The following ANGPT2 variants were observed in gnomAD, a reference collection of about 807,000 sequenced individuals.
ANGPT2 encodes angiopoietin-2.
ANGPT2 carries 28 observed loss-of-function variants against 62.9 expected under a neutral mutation model. The ratio of observed to expected loss-of-function variants is 0.44; its 90% CI spans 0.33 to 0.61. The LOEUF (loss-of-function observed/expected upper bound fraction) is 0.61, where lower values mean the gene tolerates loss of function less well. Among genes scored for constraint, ANGPT2 ranks in the 20% least tolerant of loss-of-function variants. The pLI is 0.03. For missense variants in ANGPT2, 727 were observed against 594.9 expected (o/e 1.22, Z -2.31); for synonymous variants, 284 against 207.8 (o/e 1.37, Z -3.15).
chr8:6,503,784 G>T (rs972545590), intron 8 of ANGPT2, among the ~76,000 whole-genome samples: 1 of 152,328 alleles, frequency 6.6e-6, no homozygotes, highest in East Asian at 1.9e-4. Flanking sequence ...GAAATTTAAA[G>T]TGAGAGTGTG....
intron 1 of ANGPT2, among the ~76,000 whole-genome samples, chr8:6,552,390 A>G (rs992352807): frequency 2.0e-5 from 3 of 152,234 alleles, no homozygotes; most frequent in Non-Finnish European, 4.4e-5. Flanking sequence ...TATGCAGAAT[A>G]CAGACATTTT....
intron 5 of ANGPT2, among the ~76,000 whole-genome samples, chr8:6,515,152 A>G (rs1468069612): frequency 1.3e-5 from 2 of 152,108 alleles, no homozygotes; most frequent in African/African-American, 2.4e-5. Flanking sequence ...CCACATCTCC[A>G]TCCTGTAGAA....
intron 1 of ANGPT2, among the ~76,000 whole-genome samples, chr8:6,541,734 T>G (rs1301254510): frequency 1.3e-5 from 2 of 152,210 alleles, no homozygotes; most frequent in Non-Finnish European, 2.9e-5. Flanking sequence ...CCGGGCATAG[T>G]GGCTCACTCC....
chr8:6,523,724 G>C (rs1169087161), intron 3 of ANGPT2, among the ~76,000 whole-genome samples: 1 of 152,024 alleles, frequency 6.6e-6, no homozygotes, highest in Non-Finnish European at 1.5e-5. Context: ...TGAGTAGTTA[G>C]GATTACAGGT....
intron 1 of ANGPT2, among the ~76,000 whole-genome samples, chr8:6,554,582 G>T (rs998120655): frequency 6.6e-6 from 1 of 152,090 alleles, no homozygotes; most frequent in Non-Finnish European, 1.5e-5. Context: ...TAATTTGGTT[G>T]TTGGTTTTTA....
At chr8:6,524,166 G>C (rs1178438551) in intron 3 of ANGPT2, among the ~76,000 whole-genome samples, 1 of 152,158 alleles carries the variant, frequency 6.6e-6, no homozygotes, top group Non-Finnish European at 1.5e-5. Flanking sequence ...ACATTGCAGA[G>C]TTTTGTTTTA....
intron 2 of ANGPT2, among the ~76,000 whole-genome samples, chr8:6,528,560 G>A (rs779977721): frequency 2.9e-4 from 44 of 152,338 alleles, no homozygotes; most frequent in Non-Finnish European, 5.1e-4. Context: ...GCCGTATAGC[G>A]TGAGTGTGAA....
intron 3 of ANGPT2, among the ~76,000 whole-genome samples, chr8:6,523,736 T>C (rs191653590): frequency 5.3e-5 from 8 of 152,178 alleles, no homozygotes; most frequent in Admixed American, 2.0e-4. Context: ...ATTACAGGTG[T>C]GCCACCACGC....
intron 1 of ANGPT2, among the ~76,000 whole-genome samples, chr8:6,552,886 A>G (rs1158520936): frequency 6.6e-6 from 1 of 152,028 alleles, no homozygotes; most frequent in Non-Finnish European, 1.5e-5. Flanking sequence ...TATGATTCCA[A>G]CTGTATGACA....
chr8:6,559,603 T>C (rs1825201332), intron 1 of ANGPT2, among the ~76,000 whole-genome samples: 1 of 152,194 alleles, frequency 6.6e-6, no homozygotes, highest in Non-Finnish European at 1.5e-5. Context: ...GTTCATAGAC[T>C]GCAGTTGTTT....
chr8:6,529,882 G>T (rs529029533), intron 2 of ANGPT2, among the ~76,000 whole-genome samples: 1 of 148,740 alleles, frequency 6.7e-6, no homozygotes, highest in Admixed American at 6.7e-5. Context: ...CACAATAGGC[G>T]TTTTTTTTTT....
chr8:6,511,176 G>A (rs1365970835), intron 7 of ANGPT2, among the ~76,000 whole-genome samples: 1 of 152,130 alleles, frequency 6.6e-6, no homozygotes, highest in Non-Finnish European at 1.5e-5. Context: ...TGTTAGAAAG[G>A]TTTTGTGTAA....
chr8:6,539,852 G>C (rs574430731), intron 1 of ANGPT2, among the ~76,000 whole-genome samples: 3 of 152,340 alleles, frequency 2.0e-5, no homozygotes, highest in African/African-American at 7.2e-5. Context: ...CTCCCAAAGT[G>C]CTAGGATTAC....
chr8:6,545,190 G>A (rs1822350332), intron 1 of ANGPT2, among the ~76,000 whole-genome samples: 1 of 152,070 alleles, frequency 6.6e-6, no homozygotes, highest in Admixed American at 6.6e-5. Flanking sequence ...GGGGTTTGAG[G>A]CTGTGAACTG....
At chr8:6,522,526 C>G (rs796864051) in intron 3 of ANGPT2, among the ~76,000 whole-genome samples, 1 of 152,120 alleles carries the variant, frequency 6.6e-6, no homozygotes, top group African/African-American at 2.4e-5. Flanking sequence ...ATAATCCCAG[C>G]ACTTTGGAAG....
chr8:6,517,166 A>G (rs539535284), intron 5 of ANGPT2, among the ~76,000 whole-genome samples: 5 of 152,350 alleles, frequency 3.3e-5, no homozygotes, highest in African/African-American at 1.2e-4. Flanking sequence ...GCAAAGCAGA[A>G]GTCCTCAGAT....
At chr8:6,551,365 G>A (rs1052459094) in intron 1 of ANGPT2, among the ~76,000 whole-genome samples, 1 of 151,440 alleles carries the variant, frequency 6.6e-6, no homozygotes, top group Admixed American at 6.6e-5. Context: ...TTCATGGCAC[G>A]GGACAGGCCA....
chr8:6,510,442 A>G (rs1814814828), intron 7 of ANGPT2, among the ~76,000 whole-genome samples: 1 of 152,214 alleles, frequency 6.6e-6, no homozygotes, highest in Non-Finnish European at 1.5e-5. Context: ...CCACATTGGA[A>G]TAATATAATT....
chr8:6,529,397 C>T (rs189578847), intron 2 of ANGPT2, among the ~76,000 whole-genome samples: 19 of 151,920 alleles, frequency 1.3e-4, no homozygotes, highest in African/African-American at 4.6e-4. Flanking sequence ...TACCTTCAAA[C>T]AGAGTGGGTA....
Sources: allele counts gnomAD v4.1 joint callset (sites outside exome capture counted in the v4.1 genomes callset), GRCh38; gene constraint gnomAD v4.1.1; transcripts MANE v1.5; gene names NCBI Gene and HGNC (gene_info 2026-07-23, HGNC 2026-07-21).